PCDH15: variants seen among roughly 807,000 people sequenced by gnomAD.
PCDH15 encodes the protein protocadherin-15.
PCDH15 carries 129 observed loss-of-function variants against 178.5 expected under a neutral mutation model. That is an observed-to-expected ratio of 0.72 (90% CI 0.63 to 0.84). The LOEUF is 0.84. Ranked by LOEUF, PCDH15 falls within the 40% of genes least tolerant of loss-of-function variation. The pLI is 0.00. For missense variants in PCDH15, 2,230 were observed against 2,099.9 expected, an observed-to-expected ratio of 1.06 and a Z score of -1.21; for synonymous variants, 800 against 732.0, an observed-to-expected ratio of 1.09 and a Z score of -1.50.
intron 2 of PCDH15, among the ~76,000 whole-genome samples, chr10:55,493,805 G>A (rs1043349750): frequency 6.6e-6 from 1 of 151,798 alleles, no homozygotes; most frequent in Admixed American, 6.6e-5. Context: ...ATTCTGAGCA[G>A]TCACTCAAAT....
At chr10:55,213,476 T>C (rs1840622091) in intron 1 of PCDH15, among the ~76,000 whole-genome samples, 1 of 152,068 alleles carries the variant, frequency 6.6e-6, no homozygotes, top group South Asian at 2.1e-4. Flanking sequence ...TTCAATTTTG[T>C]TAATGTTTAT....
intron 2 of PCDH15, among the ~76,000 whole-genome samples, chr10:55,602,008 C>CTG (rs1589170721): frequency 1.3e-5 from 2 of 152,044 alleles, no homozygotes; most frequent in African/African-American, 4.8e-5. Context: ...GTGCCAGACA[C>CTG]GGCGCAGGTC....
chr10:54,583,203 G>A (rs1023787423), intron 2 of PCDH15, among the ~76,000 whole-genome samples: 1 of 151,830 alleles, frequency 6.6e-6, no homozygotes, highest in African/African-American at 2.4e-5. Flanking sequence ...TTATACCCTT[G>A]AATTTATACC....
intron 1 of PCDH15, among the ~76,000 whole-genome samples, chr10:54,767,023 T>C (rs1339885005): frequency 6.6e-6 from 1 of 152,172 alleles, no homozygotes; most frequent in Non-Finnish European, 1.5e-5. Context: ...TACTAACGTC[T>C]ATAACCATAA....
chr10:54,002,808 A>T (rs2092224042), intron 20 of PCDH15, among the ~76,000 whole-genome samples: 1 of 152,134 alleles, frequency 6.6e-6, no homozygotes, highest in Non-Finnish European at 1.5e-5. Context: ...GGGAGGATTG[A>T]AAAAAGAGCC....
At chr10:53,816,176 A>T in intron 35 of PCDH15, 63 bp downstream of exon 35, 1 of 398,650 alleles carries the variant, frequency 2.5e-6, no homozygotes, top group Non-Finnish European at 4.4e-6. Flanking sequence ...AAGAATTAAT[A>T]CAATAGATCT....
intron 2 of PCDH15, among the ~76,000 whole-genome samples, chr10:55,421,784 C>T (rs11004843): frequency 0.25 from 37,798 of 151,202 alleles, 5,443 homozygotes; most frequent in African/African-American, 0.4. Context: ...TATTTTCTGA[C>T]AAATATTCTA....
chr10:55,104,632 T>C (rs1309509699), intron 2 of PCDH15, among the ~76,000 whole-genome samples: 4 of 152,234 alleles, frequency 2.6e-5, no homozygotes, highest in Admixed American at 1.3e-4. Flanking sequence ...TTTTTAAAAA[T>C]GGTCCTAAAA....
At chr10:54,525,923 A>G (rs2083316826) in intron 3 of PCDH15, among the ~76,000 whole-genome samples, 1 of 152,242 alleles carries the variant, frequency 6.6e-6, no homozygotes, top group South Asian at 2.1e-4. Flanking sequence ...AATTTAATGC[A>G]AAAGAGAAAT....
intron 1 of PCDH15, among the ~76,000 whole-genome samples, chr10:54,758,945 GCTT>G (rs1295339865): frequency 6.6e-6 from 1 of 151,910 alleles, no homozygotes; most frequent in Non-Finnish European, 1.5e-5. Flanking sequence ...TATAGGTCTG[GCTT>G]CTTCTGTCCT....
chr10:55,397,136 C>A (rs1837949588), intron 2 of PCDH15, among the ~76,000 whole-genome samples: 1 of 152,114 alleles, frequency 6.6e-6, no homozygotes, highest in South Asian at 2.1e-4. Flanking sequence ...GTAATAGCTA[C>A]AATAATATTT....
At chr10:54,421,860 TATAC>T (rs1955477324) in intron 3 of PCDH15, among the ~76,000 whole-genome samples, 4 of 89,594 alleles carry the variant, frequency 4.5e-5, no homozygotes, top group South Asian at 3.1e-4. Context: ...TATATATATA[TATAC>T]ACACACTATA....
intron 2 of PCDH15, among the ~76,000 whole-genome samples, chr10:55,359,743 T>C (rs1476428778): frequency 8.5e-6 from 1 of 117,932 alleles, no homozygotes; most frequent in South Asian, 2.6e-4. Context: ...TATATATATA[T>C]ATATACACAC....
intron 6 of PCDH15, among the ~76,000 whole-genome samples, chr10:54,341,450 C>A (rs977738644): frequency 6.6e-6 from 1 of 152,150 alleles, no homozygotes; most frequent in East Asian, 1.9e-4. Flanking sequence ...CCTGAGGTGT[C>A]CCTAGCCATT....
At chr10:53,947,630 T>C (rs779204046) in intron 23 of PCDH15, among the ~76,000 whole-genome samples, 8 of 152,050 alleles carry the variant, frequency 5.3e-5, no homozygotes, top group Non-Finnish European at 1.0e-4. Context: ...TAATTTTACA[T>C]ATTTAAATAA....
intron 3 of PCDH15, among the ~76,000 whole-genome samples, chr10:54,863,001 G>A (rs996783148): frequency 1.3e-5 from 2 of 152,056 alleles, no homozygotes; most frequent in Admixed American, 1.3e-4. Flanking sequence ...ACATATTGTA[G>A]TAGAAACACC....
chr10:54,873,370 G>C (rs1299742739), intron 3 of PCDH15, among the ~76,000 whole-genome samples: 1 of 151,652 alleles, frequency 6.6e-6, no homozygotes, highest in Non-Finnish European at 1.5e-5. Context: ...AAATGTGATT[G>C]GGTTAAGTAG....
chr10:55,568,533 G>T (rs2132107087), intron 2 of PCDH15, among the ~76,000 whole-genome samples: 1 of 151,854 alleles, frequency 6.6e-6, no homozygotes, highest in Admixed American at 6.6e-5. Flanking sequence ...ATACAAAATT[G>T]GAGAATATAA....
At chr10:55,024,390 T>C (rs1840423416) in intron 2 of PCDH15, among the ~76,000 whole-genome samples, 2 of 148,290 alleles carry the variant, frequency 1.3e-5, no homozygotes, top group African/African-American at 4.9e-5. Flanking sequence ...TACACAGATA[T>C]ACATCTGAAT....
Sources: allele counts gnomAD v4.1 joint callset (sites outside exome capture counted in the v4.1 genomes callset), GRCh38; gene constraint gnomAD v4.1.1; transcripts MANE v1.5; gene names NCBI Gene and HGNC (gene_info 2026-07-23, HGNC 2026-07-21).